Variants in FTCDNL1 observed in about 807,000 individuals in gnomAD.
FTCDNL1 encodes the protein formiminotransferase cyclodeaminase N-terminal like, also known as formiminotransferase N-terminal subdomain-containing protein.
A neutral mutation model predicts 5.9 loss-of-function variants in FTCDNL1; 11 were observed. That is an observed-to-expected ratio of 1.87 (90% CI 1.18 to 3.10). FTCDNL1 has a LOEUF of 3.10. FTCDNL1 is among the 30% of genes most tolerant of loss of function. The pLI is 0.00. For missense variants in FTCDNL1, 115 were observed against 65.5 expected (o/e 1.76, Z -2.61); for synonymous variants, 58 against 24.8 (o/e 2.34, Z -3.99).
the FTCDNL1 span, among the ~76,000 whole-genome samples, chr2:199,742,060 A>G: frequency 8.6e-5 from 13 of 151,606 alleles, no homozygotes; most frequent in African/African-American, 3.2e-4. Flanking sequence ...AGCAGACCCA[A>G]CTATTTGCTA....
At chr2:199,769,232 G>C (rs915375796) in intron 3 of FTCDNL1, among the ~76,000 whole-genome samples, 2 of 152,132 alleles carry the variant, frequency 1.3e-5, no homozygotes, top group Admixed American at 6.5e-5. Flanking sequence ...TTGAAGGAGT[G>C]ATGTGGTTTG....
At chr2:199,803,410 G>T (rs1214122943) in intron 3 of FTCDNL1, among the ~76,000 whole-genome samples, 2 of 151,882 alleles carry the variant, frequency 1.3e-5, no homozygotes, top group African/African-American at 2.4e-5. Context: ...AGGAAGAGAG[G>T]CCTGGAGATC....
intron 3 of FTCDNL1, among the ~76,000 whole-genome samples, chr2:199,791,830 C>G (rs1019732613): frequency 2.6e-5 from 4 of 151,906 alleles, no homozygotes; most frequent in Non-Finnish European, 5.9e-5. Context: ...ATATAATGTG[C>G]CCCATTCAAA....
the FTCDNL1 span, among the ~76,000 whole-genome samples, chr2:199,747,347 C>T: frequency 2.6e-4 from 39 of 152,096 alleles, no homozygotes; most frequent in Non-Finnish European, 7.3e-5. Flanking sequence ...ATTGCATGGT[C>T]GTAGGGGCGC....
chr2:199,710,173 T>C, the FTCDNL1 span, among the ~76,000 whole-genome samples: 1 of 152,306 alleles, frequency 6.6e-6, no homozygotes, highest in Non-Finnish European at 1.5e-5. Context: ...AGTGTCTTTT[T>C]CACAATCTAC....
At chr2:199,754,740 G>A in the FTCDNL1 span, among the ~76,000 whole-genome samples, 16 of 152,196 alleles carry the variant, frequency 1.1e-4, no homozygotes, top group East Asian at 2.9e-3. Context: ...TGGGGGCTTC[G>A]GAACCTCATG....
chr2:199,791,207 T>A (rs999694297), intron 3 of FTCDNL1, among the ~76,000 whole-genome samples: 4 of 152,118 alleles, frequency 2.6e-5, no homozygotes. Flanking sequence ...GGTCTGTATA[T>A]AATTGTATGA....
intron 3 of FTCDNL1, among the ~76,000 whole-genome samples, chr2:199,761,186 G>A (rs1373819454): frequency 6.6e-6 from 1 of 152,206 alleles, no homozygotes; most frequent in Non-Finnish European, 1.5e-5. Context: ...CTGGTGTAAT[G>A]ACAGCAACTG....
chr2:199,734,569 A>T, the FTCDNL1 span, among the ~76,000 whole-genome samples: 1 of 152,224 alleles, frequency 6.6e-6, no homozygotes, highest in Non-Finnish European at 1.5e-5. Context: ...AATAAGTCTC[A>T]AAAGTTATCT....
At chr2:199,728,162 C>T in the FTCDNL1 span, among the ~76,000 whole-genome samples, 1 of 152,138 alleles carries the variant, frequency 6.6e-6, no homozygotes, top group African/African-American at 2.4e-5. Flanking sequence ...CCATGCTCTA[C>T]TATAAATCAC....
chr2:199,783,700 C>G (rs2106334570), intron 3 of FTCDNL1, among the ~76,000 whole-genome samples: 1 of 152,248 alleles, frequency 6.6e-6, no homozygotes, highest in South Asian at 2.1e-4. Context: ...TTAGGTGGGT[C>G]CAGCAGCACC....
intron 3 of FTCDNL1, among the ~76,000 whole-genome samples, chr2:199,775,335 C>A (rs889896130): frequency 1.3e-5 from 2 of 152,170 alleles, no homozygotes; most frequent in Non-Finnish European, 2.9e-5. Context: ...AGCCAATCCC[C>A]CACAGACTTC....
At chr2:199,771,466 A>C (rs1698806086) in intron 3 of FTCDNL1, among the ~76,000 whole-genome samples, 1 of 152,224 alleles carries the variant, frequency 6.6e-6, no homozygotes, top group African/African-American at 2.4e-5. Context: ...GAACCATAAA[A>C]AATAGTTCTT....
At chr2:199,703,417 T>C in the FTCDNL1 span, among the ~76,000 whole-genome samples, 1 of 152,212 alleles carries the variant, frequency 6.6e-6, no homozygotes. Context: ...AGAGGAATGT[T>C]AGATACTTCA....
At chr2:199,829,946 A>C (rs1574645387) in intron 3 of FTCDNL1, among the ~76,000 whole-genome samples, 2 of 152,292 alleles carry the variant, frequency 1.3e-5, no homozygotes, top group East Asian at 3.9e-4. Context: ...ACCTGGATTC[A>C]AATGATACTC....
At chr2:199,803,191 CAA>C (rs71403491) in intron 3 of FTCDNL1, among the ~76,000 whole-genome samples, 2,646 of 70,570 alleles carry the variant, frequency 0.037, 53 homozygotes, top group East Asian at 0.17. Context: ...AATACCGTCT[CAA>C]AAAAAAAAAA....
At chr2:199,708,784 G>T in the FTCDNL1 span, among the ~76,000 whole-genome samples, 1 of 152,050 alleles carries the variant, frequency 6.6e-6, no homozygotes, top group East Asian at 1.9e-4. Context: ...TCCCTGTTTG[G>T]TCTTTGACCA....
At chr2:199,746,459 T>C in the FTCDNL1 span, among the ~76,000 whole-genome samples, 2 of 151,798 alleles carry the variant, frequency 1.3e-5, no homozygotes, top group African/African-American at 4.8e-5. Flanking sequence ...CAAAGCTTAA[T>C]GTCTATGCCA....
chr2:199,838,452 AT>A (rs996768852), intron 3 of FTCDNL1, among the ~76,000 whole-genome samples: 1 of 152,252 alleles, frequency 6.6e-6, no homozygotes, highest in East Asian at 1.9e-4. Flanking sequence ...GTATAAAGAA[AT>A]TTTTTTCCCA....
Sources: gnomAD v4.1 joint callset for allele counts (sites outside exome capture counted in the v4.1 genomes callset) on GRCh38, gnomAD v4.1.1 for gene constraint, MANE v1.5 for transcripts, NCBI Gene and HGNC (gene_info 2026-07-23, HGNC 2026-07-21) for gene names.